Variants in KRIT1 observed in about 807,000 individuals in gnomAD.
KRIT1 encodes krev interaction trapped protein 1.
A neutral mutation model predicts 95.8 loss-of-function variants in KRIT1; 45 were observed. That is an observed-to-expected ratio of 0.47 (90% CI 0.37 to 0.60). KRIT1 has a LOEUF of 0.60. Ranked by LOEUF, KRIT1 falls within the 20% of genes least tolerant of loss-of-function variation. The pLI is 0.00. For missense variants in KRIT1, 788 were observed against 877.5 expected, an observed-to-expected ratio of 0.90 and a Z score of 1.29; for synonymous variants, 282 against 278.8, an observed-to-expected ratio of 1.01 and a Z score of -0.11.
At chr7:92,233,443 T>C (rs1797758333) in intron 10 of KRIT1, among the ~76,000 whole-genome samples, 1 of 150,586 alleles carries the variant, frequency 6.6e-6, no homozygotes, top group Admixed American at 6.6e-5. Flanking sequence ...AATCTCACTC[T>C]GTCACCAGGC....
Position 92,222,810 on chromosome 7 carries a change from A to T in KRIT1, c.1411+12T>A, listed in dbSNP as rs1263220122. On this transcript the variant is annotated intron_variant, in intron 13 of 18. Coordinates refer to ENST00000394505, the MANE Select transcript of KRIT1 (RefSeq NM_194454.3). ...AATGAGGTTTACTATAACATAATAA[A>T]AACTTTCTTACTGAGGTTTTCTGAA... The T allele has an allele frequency of 6.4e-7, 1 of 1,555,604 alleles. No individual in the cohort carries two copies. The highest frequency in any genetic ancestry group is 1.4e-5 in the African/African-American group (1 of 73,680).
chr7:92,206,797 T>C (rs1791588197), intron 17 of KRIT1: 1 of 151,798 alleles, frequency 6.6e-6, no homozygotes, highest in African/African-American at 2.4e-5. Flanking sequence ...ACTTAAGACA[T>C]ATAAGATAAC....
Position 92,225,657 on chromosome 7 carries a change from T to C in KRIT1, c.1254+63A>G, listed in dbSNP as rs1339387433. 2.0e-5 allele frequency: 20 copies of C among 976,948 alleles called. No homozygotes were observed. In the East Asian group the frequency reaches 4.8e-4, roughly 24 times the overall value. 60.5% of individuals were successfully genotyped at this position (976,948 alleles called of 1,614,324 possible). On this transcript the variant is annotated intron_variant, in intron 12 of 18. Transcript: ENST00000394505. ...GTCTTTCCACTCTTGCCACAGATCC[T>C]CAAATTTAAATCTTATTAATTTAAA... is the stretch of plus-strand genomic sequence containing the variant.
intron 17 of KRIT1, among the ~76,000 whole-genome samples, chr7:92,208,377 CTT>C (rs975123438): frequency 3.3e-5 from 5 of 149,736 alleles, no homozygotes; most frequent in African/African-American, 1.2e-4. Flanking sequence ...GAAAGAAAGA[CTT>C]AAAAAAAAAG....
intron 14 of KRIT1, among the ~76,000 whole-genome samples, chr7:92,218,722 A>T (rs746568085): frequency 2.6e-5 from 4 of 151,884 alleles, no homozygotes; most frequent in Non-Finnish European, 5.9e-5. Context: ...GAGTTGTAGG[A>T]GTTCTTTATA....
At chr7:92,223,188 G>C (rs998568815) in intron 12 of KRIT1, among the ~76,000 whole-genome samples, 7 of 151,606 alleles carry the variant, frequency 4.6e-5, no homozygotes, top group African/African-American at 9.7e-5. Flanking sequence ...CCAACACTTT[G>C]GGAGGCCGAG....
intron 17 of KRIT1, among the ~76,000 whole-genome samples, chr7:92,204,716 T>TA (rs1790997966): frequency 6.6e-6 from 1 of 152,030 alleles, no homozygotes; most frequent in African/African-American, 2.4e-5. Flanking sequence ...AGAGCTCAGA[T>TA]GGTAATGCAA....
At chr7:92,230,113 T>C (rs551796375) in intron 10 of KRIT1, among the ~76,000 whole-genome samples, 2 of 152,304 alleles carry the variant, frequency 1.3e-5, no homozygotes, top group South Asian at 4.1e-4. Flanking sequence ...TGTATGGTGC[T>C]TTAAAATTTC....
rs147846408 is a variant in KRIT1 at position 92,223,120 on chromosome 7, G to A, written c.1255-142C>T. The A allele has an allele frequency of 6.2e-5, 42 of 678,874 alleles. No homozygotes were observed. The African/African-American group carries it at 7.0e-4, about 11-fold the overall frequency. 42.1% of individuals were successfully genotyped at this position (678,874 alleles called of 1,614,324 possible). A position where few individuals can be genotyped will look rare whatever the true frequency, so the allele number is the denominator to read the frequency against. On this transcript the variant is annotated intron_variant, in intron 12 of 18. Transcript: ENST00000394505. ...GAAACACTGTTTTAAGTGAGAATCT[G>A]TTGGTGATATTTTAAAAACATTTTA...
intron 14 of KRIT1, among the ~76,000 whole-genome samples, chr7:92,220,952 T>C (rs996103586): frequency 6.6e-6 from 1 of 151,560 alleles, no homozygotes; most frequent in Non-Finnish European, 1.5e-5. Context: ...CCTCCCAAAG[T>C]GCTGGGATTA....
intron 5 of KRIT1, among the ~76,000 whole-genome samples, chr7:92,240,269 G>C (rs1043643479): frequency 1.3e-5 from 2 of 152,106 alleles, no homozygotes; most frequent in African/African-American, 2.4e-5. Context: ...TGAAACATAT[G>C]AATCAGATAA....
chr7:92,224,864 A>G (rs914118065), intron 12 of KRIT1, among the ~76,000 whole-genome samples: 1 of 152,158 alleles, frequency 6.6e-6, no homozygotes, highest in Non-Finnish European at 1.5e-5. Context: ...ATAGATTAAA[A>G]TTACGTGTAA....
In KRIT1 at chr7:92,222,163, T is replaced by G. The variant is rs1008504533; in HGVS notation, c.1412-110A>C. 3.8e-6 allele frequency: 3 copies of G among 785,602 alleles called. No homozygotes were observed. In the African/African-American group the frequency reaches 5.2e-5, roughly 14 times the overall value. The allele number at this position is 785,602 out of a possible 1,614,324, so 48.7% of individuals were successfully genotyped here. ...ACTTCTGTACTGAATACTCACAAAT[T>G]AAATTTAAATCTAAAATTAACATTT... On this transcript the variant is annotated intron_variant, in intron 13 of 18. Coordinates refer to ENST00000394505, the MANE Select transcript of KRIT1 (RefSeq NM_194454.3).
intron 17 of KRIT1, 54 bp from the exon 18 acceptor site, chr7:92,201,477 A>G: frequency 3.5e-6 from 3 of 859,010 alleles, no homozygotes; most frequent in African/African-American, 3.3e-5. Flanking sequence ...AACTTCACCT[A>G]TTTTCTCTTA....
At chr7:92,218,750 C>G (rs1256326139) in intron 14 of KRIT1, among the ~76,000 whole-genome samples, 1 of 151,956 alleles carries the variant, frequency 6.6e-6, no homozygotes, top group African/African-American at 2.4e-5. Context: ...GATAGTAAAC[C>G]CTTATCTATG....
rs906298234 is a variant in KRIT1, at chr7:92,234,273, C to T, written c.989+176G>A. 3.2e-4 allele frequency among the ~76,000 whole-genome samples: 48 copies of T among 152,152 alleles called. 1 individual carries two copies. Among genetic ancestry groups the T allele is most frequent in the African/African-American group, 1.1e-3 (47 of 41,430 alleles). The stretch of plus-strand genomic sequence containing the variant: ...ACAGTACGTTCCCCATAGGGCAGAC[C>T]TTACAATTCTGAACATTGGCACATA... On this transcript the variant is annotated intron_variant, in intron 10 of 18. Coordinates refer to ENST00000394505, the MANE Select transcript of KRIT1 (RefSeq NM_194454.3).
intron 3 of KRIT1, 36 bp from the exon 4 acceptor site, chr7:92,242,173 T>G (rs1274931709): frequency 8.7e-7 from 1 of 1,155,720 alleles, no homozygotes; most frequent in Non-Finnish European, 1.3e-6. Context: ...TTTGAAAGAT[T>G]AAATGACACA....
At chr7:92,231,505 C>T (rs887657916) in intron 10 of KRIT1, among the ~76,000 whole-genome samples, 3 of 152,090 alleles carry the variant, frequency 2.0e-5, no homozygotes, top group Non-Finnish European at 2.9e-5. Context: ...CTAATTAAAA[C>T]CCTCATTTTA....
At chr7:92,215,608 A>G (rs1362755629) in intron 14 of KRIT1, among the ~76,000 whole-genome samples, 1 of 150,686 alleles carries the variant, frequency 6.6e-6, no homozygotes, top group Admixed American at 6.6e-5. Context: ...TAGCTGGGAA[A>G]AGAGGTGTGC....
Sources: gnomAD v4.1 joint callset for allele counts (sites outside exome capture counted in the v4.1 genomes callset) on GRCh38, gnomAD v4.1.1 for gene constraint, MANE v1.5 for transcripts, NCBI Gene and HGNC (gene_info 2026-07-23, HGNC 2026-07-21) for gene names.